GPC5: variants seen among roughly 807,000 people sequenced by gnomAD.
GPC5 encodes the protein glypican 5, also known as glypican-5.
Under a neutral mutation model 53.9 loss-of-function variants are expected in GPC5, and 47 were observed. The observed-to-expected ratio is 0.87, with a 90% CI of 0.69 to 1.11. The LOEUF (loss-of-function observed/expected upper bound fraction) is 1.11. Among genes scored for constraint, GPC5 ranks in the 50% most tolerant of loss-of-function variants. GPC5 has a pLI of 0.00. For synonymous variants in GPC5, 286 were observed against 263.3 expected (o/e 1.09, Z -0.84); for missense variants, 748 against 713.1 (o/e 1.05, Z -0.56).
intron 7 of GPC5, among the ~76,000 whole-genome samples, chr13:92,852,899 T>C: frequency 6.6e-6 from 1 of 152,146 alleles, no homozygotes; most frequent in Middle Eastern, 3.2e-3. Flanking sequence ...TTGGGGGCAA[T>C]TTGTTTTTCC....
intron 7 of GPC5, among the ~76,000 whole-genome samples, chr13:92,523,390 T>C (rs1309793401): frequency 6.6e-6 from 1 of 152,166 alleles, no homozygotes; most frequent in Non-Finnish European, 1.5e-5. Flanking sequence ...AGCAAAAATG[T>C]TCTTTGATAT....
At chr13:92,135,847 C>T (rs2041779948) in intron 6 of GPC5, among the ~76,000 whole-genome samples, 1 of 152,192 alleles carries the variant, frequency 6.6e-6, no homozygotes, top group East Asian at 1.9e-4. Context: ...CTTAACATAA[C>T]ATGACACATT....
At chr13:92,302,947 T>C (rs912528423) in intron 7 of GPC5, among the ~76,000 whole-genome samples, 1 of 152,224 alleles carries the variant, frequency 6.6e-6, no homozygotes, top group Non-Finnish European at 1.5e-5. Flanking sequence ...CTCATTCTTA[T>C]ACTTTTTGTT....
chr13:92,402,345 G>T (rs990541188), intron 7 of GPC5, among the ~76,000 whole-genome samples: 2 of 152,116 alleles, frequency 1.3e-5, no homozygotes, highest in Non-Finnish European at 2.9e-5. Context: ...CAGTGACATA[G>T]AACCTTTTTT....
At chr13:91,810,016 T>G (rs1273100691) in intron 5 of GPC5, among the ~76,000 whole-genome samples, 4 of 151,962 alleles carry the variant, frequency 2.6e-5, no homozygotes, top group Non-Finnish European at 4.4e-5. Flanking sequence ...ACTTAATAAG[T>G]GTGGTATAAA....
intron 7 of GPC5, among the ~76,000 whole-genome samples, chr13:92,557,207 C>T (rs1035826167): frequency 6.6e-6 from 1 of 151,632 alleles, no homozygotes; most frequent in African/African-American, 2.4e-5. Context: ...AATAGATGAC[C>T]AATTGTTTCT....
In GPC5 at chr13:92,350,841, C is replaced by A. The variant is rs187391910; in HGVS notation, c.1561+205852C>A. On this transcript the variant is annotated intron_variant, in intron 7 of 7. Transcript: ENST00000377067. Reference sequence around the variant, plus strand: ...TAAAATAGTTTTTAAAAGACCAAGACAATTCAAAAAGTTTAGAGAGACAAT... The same window carrying A: ...TAAAATAGTTTTTAAAAGACCAAGAAAATTCAAAAAGTTTAGAGAGACAAT... Among the ~76,000 whole-genome samples the A allele has an allele frequency of 1.1e-4, 17 of 151,992 alleles. 1 individual carries two copies. The highest frequency in any genetic ancestry group is 1.1e-3 in the Admixed American group (17 of 15,250).
intron 2 of GPC5, among the ~76,000 whole-genome samples, chr13:91,665,282 T>C (rs192950764): frequency 1.3e-5 from 2 of 152,348 alleles, no homozygotes; most frequent in East Asian, 1.9e-4. Flanking sequence ...TTATACTTAG[T>C]ACTTCTTTAT....
chr13:92,514,212 A>T (rs2138957399), intron 7 of GPC5, among the ~76,000 whole-genome samples: 1 of 146,476 alleles, frequency 6.8e-6, no homozygotes, highest in African/African-American at 2.5e-5. Flanking sequence ...CCAATGTAAA[A>T]CACACACTAT....
At chr13:92,667,548 G>A (rs536237536) in intron 7 of GPC5, among the ~76,000 whole-genome samples, 23 of 152,146 alleles carry the variant, frequency 1.5e-4, no homozygotes, top group Admixed American at 1.2e-3. Context: ...GAGGTTTTCT[G>A]TGTAATTAAG....
intron 6 of GPC5, among the ~76,000 whole-genome samples, chr13:91,969,942 A>G (rs955026158): frequency 6.6e-6 from 1 of 152,236 alleles, no homozygotes; most frequent in African/African-American, 2.4e-5. Flanking sequence ...TGGTACAACG[A>G]GTATGGAAAA....
intron 7 of GPC5, among the ~76,000 whole-genome samples, chr13:92,638,230 T>A (rs1885473618): frequency 6.6e-6 from 1 of 152,152 alleles, no homozygotes; most frequent in Non-Finnish European, 1.5e-5. Flanking sequence ...GCCTAATGAG[T>A]GTCCAAAGTC....
chr13:92,607,019 A>AT (rs1427057971), intron 7 of GPC5, among the ~76,000 whole-genome samples: 3 of 152,190 alleles, frequency 2.0e-5, no homozygotes, highest in Non-Finnish European at 4.4e-5. Flanking sequence ...GGGAAAATAT[A>AT]TTTTGAATAA....
chr13:92,747,391 T>C (rs1889266490), intron 7 of GPC5, among the ~76,000 whole-genome samples: 1 of 152,130 alleles, frequency 6.6e-6, no homozygotes, highest in Non-Finnish European at 1.5e-5. Context: ...AACAAATCCA[T>C]AACAGTTTAC....
intron 6 of GPC5, among the ~76,000 whole-genome samples, chr13:92,118,619 G>A (rs2041619416): frequency 6.6e-6 from 1 of 152,020 alleles, no homozygotes; most frequent in South Asian, 2.1e-4. Context: ...GCTAGAAAAA[G>A]TAGAAATTTT....
Position 92,406,040 on chromosome 13 carries a change from A to C in GPC5, c.1561+261051A>C, listed in dbSNP as rs574865826. Among the ~76,000 whole-genome samples, 55 of 152,302 alleles carry C rather than the reference A, an allele frequency of 3.6e-4. 1 individual carries two copies. In the South Asian group the frequency reaches 0.011, roughly 32 times the overall value. ...ATATACCAGGTTTCTTTACCTAGGA[A>C]ATATTTGCGTATCTAAGGTCATTTT... On this transcript the variant is annotated intron_variant, in intron 7 of 7. Transcript: ENST00000377067.
chr13:92,096,258 G>A (rs907447803), intron 6 of GPC5, among the ~76,000 whole-genome samples: 1 of 152,122 alleles, frequency 6.6e-6, no homozygotes, highest in African/African-American at 2.4e-5. Context: ...TCCCCCTTAG[G>A]GTTTTCCTAT....
intron 7 of GPC5, among the ~76,000 whole-genome samples, chr13:92,621,969 C>G (rs372406232): frequency 6.6e-6 from 1 of 152,190 alleles, no homozygotes; most frequent in Admixed American, 6.5e-5. Context: ...AGAACATACA[C>G]CAAGCTCTCT....
chr13:91,730,372 C>T (rs1009124147), intron 4 of GPC5, among the ~76,000 whole-genome samples: 3 of 152,114 alleles, frequency 2.0e-5, no homozygotes, highest in African/African-American at 7.2e-5. Flanking sequence ...TCTGGGCTAC[C>T]TTCTCGTGTG....
Sources: allele counts gnomAD v4.1 joint callset (sites outside exome capture counted in the v4.1 genomes callset), GRCh38; gene constraint gnomAD v4.1.1; transcripts MANE v1.5; gene names NCBI Gene and HGNC (gene_info 2026-07-23, HGNC 2026-07-21).